The following PTK2B variants were observed in gnomAD, a reference collection of about 807,000 sequenced individuals.
The protein encoded by PTK2B is protein tyrosine kinase 2 beta.
Under a neutral mutation model 142.9 loss-of-function variants are expected in PTK2B, and 71 were observed. The ratio of observed to expected loss-of-function variants is 0.50; its 90% confidence interval spans 0.41 to 0.61. The LOEUF (loss-of-function observed/expected upper bound fraction) is 0.61, where lower values mean the gene tolerates loss of function less well. Ranked by LOEUF, PTK2B falls within the 20% of genes least tolerant of loss-of-function variation. The pLI is 0.00. For synonymous variants in PTK2B, 519 were observed against 503.4 expected, an observed-to-expected ratio of 1.03 and a Z score of -0.42; for missense variants, 1,105 against 1,320.4, an observed-to-expected ratio of 0.84 and a Z score of 2.53.
intron 2 of PTK2B, among the ~76,000 whole-genome samples, chr8:27,402,275 G>A (rs1808429216): frequency 1.3e-5 from 2 of 152,176 alleles, no homozygotes; most frequent in Non-Finnish European, 2.9e-5. Flanking sequence ...GCCCTGGTCT[G>A]GGTGGTCAGG....
intron 1 of PTK2B, among the ~76,000 whole-genome samples, chr8:27,393,867 C>G (rs918785723): frequency 6.6e-6 from 1 of 152,042 alleles, no homozygotes; most frequent in Admixed American, 6.5e-5. Flanking sequence ...TGTCCAGGGG[C>G]CTCAGGGCCA....
At chr8:27,348,675 A>G (rs1586133220) in intron 1 of PTK2B, among the ~76,000 whole-genome samples, 2 of 151,934 alleles carry the variant, frequency 1.3e-5, no homozygotes, top group South Asian at 4.2e-4. Context: ...CGGGGGCCCA[A>G]ATTGGTTGTT....
In PTK2B at chr8:27,389,028, A is replaced by T. The variant is rs193230939; in HGVS notation, c.-37-8520A>T. Among the ~76,000 whole-genome samples the T allele has an allele frequency of 3.4e-3, 518 of 152,174 alleles. 7 individuals are homozygous for T. The highest frequency in any genetic ancestry group is 0.012 in the African/African-American group (486 of 41,518). On this transcript the variant is annotated intron_variant, in intron 1 of 30. Transcript: ENST00000346049. ...TCTTTCTGGGTCACTTTTTCCTAAGATCCTGAGGCCCAGTAGGCAGGTTCT... is the reference window on the plus strand; with the variant it reads ...TCTTTCTGGGTCACTTTTTCCTAAGTTCCTGAGGCCCAGTAGGCAGGTTCT...
chr8:27,437,305 T>C (rs1810842882), intron 16 of PTK2B, 91 bp from the exon 17 acceptor site: 3 of 1,533,198 alleles, frequency 2.0e-6, no homozygotes, highest in Non-Finnish European at 1.8e-6. Flanking sequence ...GGAGGAGGGG[T>C]TCCCGTCCTC....
chr8:27,382,724 T>A (rs921159786), intron 1 of PTK2B, among the ~76,000 whole-genome samples: 4 of 152,240 alleles, frequency 2.6e-5, no homozygotes, highest in African/African-American at 9.6e-5. Context: ...CTGAGTTGAT[T>A]TCATGTATAG....
In PTK2B at chr8:27,332,131, C is replaced by T. The variant is rs1301162614; in HGVS notation, c.-38+6450C>T. 1.3e-5 allele frequency among the ~76,000 whole-genome samples: 2 copies of T among 152,342 alleles called. 1 individual carries two copies. The highest frequency in any genetic ancestry group is 2.9e-5 in the Non-Finnish European group (2 of 68,034). On this transcript the variant is annotated intron_variant, in intron 1 of 30. Transcript: ENST00000346049. ...CAAGTTTGAATCCCAGCCCCTAGCT[C>T]ATTACAGGCAGAAGCTCAGGCAGTT...
At position 27,432,346 on chromosome 8, in the gene PTK2B, T is replaced by C. The variant is rs543628348; in HGVS notation, c.972T>C (p.Ile324=). ...GCCAGGCAGTACTTCAGCTGGGCAT[T>C]GAAGGTGCCCCCCAGGTGAGTGTCT... The part of the protein sequence containing the change: ...EEGQAVLQLG[I]EGAPQALSIK... The change falls in exon 10 of 31, where the codon ATT becomes ATC. Residue 324 remains isoleucine (I), a synonymous_variant. Transcript: ENST00000346049. 16 of 1,613,864 alleles carry C rather than the reference T, an allele frequency of 9.9e-6. No homozygotes were observed. The South Asian group carries it at 1.6e-4, about 17-fold the overall frequency.
At chr8:27,457,975 C>CAAA (rs11317355) in intron 30 of PTK2B, among the ~76,000 whole-genome samples, 3 of 94,026 alleles carry the variant, frequency 3.2e-5, no homozygotes, top group African/African-American at 1.0e-4. Flanking sequence ...AACTCAGTCT[C>CAAA]AAAAAAAAAA....
upstream of PTK2B, chr8:27,322,597 CTTAA>C (rs777648667): frequency 2.0e-5 from 3 of 152,184 alleles, no homozygotes; most frequent in Non-Finnish European, 4.4e-5. Context: ...ACACCTATCA[CTTAA>C]TTTGGGCTTC....
chr8:27,427,819 G>A (rs373862273), intron 5 of PTK2B, among the ~76,000 whole-genome samples: 2 of 152,086 alleles, frequency 1.3e-5, no homozygotes, highest in African/African-American at 4.8e-5. Flanking sequence ...GGAGAATCCT[G>A]GGTAGGCTTC....
At chr8:27,387,749 A>C (rs1297594179) in intron 1 of PTK2B, among the ~76,000 whole-genome samples, 1 of 152,018 alleles carries the variant, frequency 6.6e-6, no homozygotes, top group Non-Finnish European at 1.5e-5. Flanking sequence ...ATTTACAGTT[A>C]GCCTAAATCC....
chr8:27,412,839 A>G (rs943433814), intron 2 of PTK2B, among the ~76,000 whole-genome samples: 1 of 152,180 alleles, frequency 6.6e-6, no homozygotes, highest in African/African-American at 2.4e-5. Flanking sequence ...AGTTTCACCA[A>G]CTAGAATCAT....
At chr8:27,371,875 A>T (rs1421713826) in intron 1 of PTK2B, among the ~76,000 whole-genome samples, 1 of 152,192 alleles carries the variant, frequency 6.6e-6, no homozygotes, top group Admixed American at 6.5e-5. Flanking sequence ...AGAAGAGTTC[A>T]CTTCCTGATT....
rs897153010 is a variant in PTK2B at position 27,432,314 on chromosome 8, G to A, written c.940G>A (p.Glu314Lys). ...QIRSIRCLPLEEGQAVLQLGI... is the reference protein window; with the variant it reads ...QIRSIRCLPLKEGQAVLQLGI... ...CAGGTCCATCAGGTGCCTCCCGCTG[G>A]AGGAGGGCCAGGCAGTACTTCAGCT... Residue 314 changes from glutamate (E) to lysine (K), a missense_variant, in exon 10 of 31, where the codon GAG becomes AAG. By Grantham distance (56) the Glu-to-Lys change is moderately conservative. Transcript: ENST00000346049. 7 of 1,613,948 alleles carry A rather than the reference G, an allele frequency of 4.3e-6. No individual in the cohort carries two copies. The Admixed American group carries it at 1.2e-4, about 27-fold the overall frequency.
At chr8:27,310,802 C>G, upstream of PTK2B, 1 of 1,583,516 alleles carries the variant, frequency 6.3e-7, no homozygotes, top group Non-Finnish European at 8.6e-7. Context: ...TGCTCTTACC[C>G]GAAAGTCGTG....
intron 1 of PTK2B, among the ~76,000 whole-genome samples, chr8:27,388,820 T>G (rs7000336): frequency 6.6e-6 from 1 of 152,148 alleles, no homozygotes; most frequent in Non-Finnish European, 1.5e-5. Context: ...CCTGTGGCCT[T>G]CCAGCTCACA....
At chr8:27,315,476 C>T (rs1334051559) in intron 3 of PTK2B, among the ~76,000 whole-genome samples, 1 of 152,034 alleles carries the variant, frequency 6.6e-6, no homozygotes, top group African/African-American at 2.4e-5. Context: ...TCCAGATAGC[C>T]CTCTCCCCTC....
intron 16 of PTK2B, 87 bp downstream of exon 16, chr8:27,437,293 T>C (rs894176656): frequency 2.6e-6 from 4 of 1,542,648 alleles, no homozygotes; most frequent in Middle Eastern, 1.7e-4. Context: ...GGGACCCATG[T>C]TGGAGGAGGG....
At chr8:27,429,721 C>G (rs1810289565) in intron 5 of PTK2B, among the ~76,000 whole-genome samples, 1 of 152,168 alleles carries the variant, frequency 6.6e-6, no homozygotes. Context: ...AAGGAAATCA[C>G]AAGAGCCCCC....
Sources: gnomAD v4.1 joint callset for allele counts (sites outside exome capture counted in the v4.1 genomes callset) on GRCh38, gnomAD v4.1.1 for gene constraint, MANE v1.5 for transcripts, NCBI Gene and HGNC (gene_info 2026-07-23, HGNC 2026-07-21) for gene names.